PIP5K1B: variants seen among roughly 807,000 people sequenced by gnomAD.
PIP5K1B encodes phosphatidylinositol 4-phosphate 5-kinase type-1 beta.
Under a neutral mutation model 67.0 loss-of-function variants are expected in PIP5K1B, and 42 were observed. The ratio of observed to expected loss-of-function variants is 0.63; its 90% CI spans 0.49 to 0.81. The LOEUF (loss-of-function observed/expected upper bound fraction) is 0.81. PIP5K1B is among the 30% of genes least tolerant of loss of function. The pLI, the probability that PIP5K1B is intolerant of heterozygous loss-of-function variation, is 0.00. For synonymous variants in PIP5K1B, 214 were observed against 231.4 expected, an observed-to-expected ratio of 0.92 and a Z score of 0.68; for missense variants, 459 against 646.3, an observed-to-expected ratio of 0.71 and a Z score of 3.14.
chr9:68,919,635 G>A (rs1826267772), intron 10 of PIP5K1B, 46 bp from the exon 11 acceptor site: 1 of 1,414,768 alleles, frequency 7.1e-7, no homozygotes, highest in Non-Finnish European at 1.0e-6. Flanking sequence ...ATCACCAAAT[G>A]AGAGTGATTT....
intron 2 of PIP5K1B, chr9:68,788,356 T>C: frequency 1.1e-6 from 1 of 951,188 alleles, no homozygotes; most frequent in Non-Finnish European, 1.6e-6. Flanking sequence ...TTTTATGCCC[T>C]TAAAGGGTTT....
chr9:68,984,841 A>G (rs977641553), intron 14 of PIP5K1B, among the ~76,000 whole-genome samples: 3 of 152,218 alleles, frequency 2.0e-5, no homozygotes, highest in Admixed American at 6.5e-5. Context: ...ATTTGCGTAC[A>G]CTACTTTTGT....
intron 8 of PIP5K1B, among the ~76,000 whole-genome samples, chr9:68,914,964 T>A (rs949836858): frequency 1.3e-5 from 2 of 152,226 alleles, no homozygotes; most frequent in Non-Finnish European, 2.9e-5. Context: ...ACACCTGTTG[T>A]CTCTTGAGCT....
intron 14 of PIP5K1B, among the ~76,000 whole-genome samples, chr9:68,967,964 G>A (rs1829126091): frequency 6.6e-6 from 1 of 151,962 alleles, no homozygotes; most frequent in Non-Finnish European, 1.5e-5. Flanking sequence ...AACCCAGTGA[G>A]CTGCTCTTAC....
At chr9:68,850,781 T>C (rs894893367) in intron 4 of PIP5K1B, among the ~76,000 whole-genome samples, 4 of 152,232 alleles carry the variant, frequency 2.6e-5, no homozygotes, top group Admixed American at 1.3e-4. Context: ...TAAATTGATA[T>C]TTATATCAAA....
intron 2 of PIP5K1B, among the ~76,000 whole-genome samples, chr9:68,775,470 A>G (rs1004153276): frequency 1.3e-5 from 2 of 152,222 alleles, no homozygotes; most frequent in Non-Finnish European, 2.9e-5. Flanking sequence ...AAGCACTGCT[A>G]CAGCAGTCAA....
At chr9:68,954,440 A>G (rs1231332056) in intron 14 of PIP5K1B, among the ~76,000 whole-genome samples, 1 of 152,230 alleles carries the variant, frequency 6.6e-6, no homozygotes, top group Admixed American at 6.5e-5. Flanking sequence ...TTTGCAGCAT[A>G]ACTTAATAGC....
chr9:68,935,341 G>T (rs920728685), intron 13 of PIP5K1B, among the ~76,000 whole-genome samples: 1 of 152,034 alleles, frequency 6.6e-6, no homozygotes, highest in Non-Finnish European at 1.5e-5. Context: ...GATAGCGGGC[G>T]CCTGTAATCC....
chr9:68,921,423 G>T (rs1826396595), intron 11 of PIP5K1B, among the ~76,000 whole-genome samples: 1 of 152,152 alleles, frequency 6.6e-6, no homozygotes, highest in African/African-American at 2.4e-5. Context: ...GAAAGGAAGG[G>T]ACTGCATACA....
intron 7 of PIP5K1B, among the ~76,000 whole-genome samples, chr9:68,892,731 C>T (rs572572562): frequency 1.3e-5 from 2 of 152,304 alleles, no homozygotes; most frequent in Non-Finnish European, 2.9e-5. Context: ...CAAACACACA[C>T]ACACACAAAT....
At chr9:68,812,042 G>A (rs1336163835) in intron 2 of PIP5K1B, among the ~76,000 whole-genome samples, 1 of 152,216 alleles carries the variant, frequency 6.6e-6, no homozygotes, top group Non-Finnish European at 1.5e-5. Flanking sequence ...GCCAGGCTGA[G>A]ATGGAGGTGC....
chr9:68,822,575 G>A (rs759704462), intron 3 of PIP5K1B, 40 bp from the exon 4 acceptor site: 14 of 1,402,072 alleles, frequency 1.0e-5, no homozygotes, highest in Admixed American at 1.8e-5. Flanking sequence ...GTATTTCAGA[G>A]TAACATTGAA....
chr9:68,973,143 A>G (rs928515736), intron 14 of PIP5K1B, among the ~76,000 whole-genome samples: 41 of 152,244 alleles, frequency 2.7e-4, no homozygotes, highest in Non-Finnish European at 1.2e-4. Flanking sequence ...GGCAAGAACT[A>G]AAGCCTTCCA....
At chr9:68,846,467 T>A (rs375077281) in intron 4 of PIP5K1B, among the ~76,000 whole-genome samples, 3 of 152,302 alleles carry the variant, frequency 2.0e-5, no homozygotes, top group African/African-American at 7.2e-5. Flanking sequence ...CCTCATCCCT[T>A]CTTGATGTCA....
chr9:68,849,425 G>A (rs1822366360), intron 4 of PIP5K1B, among the ~76,000 whole-genome samples: 1 of 152,088 alleles, frequency 6.6e-6, no homozygotes, highest in African/African-American at 2.4e-5. Context: ...TGTCAACCCA[G>A]GCTGAAGTGC....
At chr9:68,788,624 G>T in intron 2 of PIP5K1B, 1 of 231,280 alleles carries the variant, frequency 4.3e-6, no homozygotes, top group Non-Finnish European at 8.5e-6. Flanking sequence ...GTAGCTTGTG[G>T]GGATTTGTTT....
intron 6 of PIP5K1B, among the ~76,000 whole-genome samples, chr9:68,880,574 CACACACACACACACGCAT>C (rs1385349893): frequency 4.2e-4 from 22 of 52,348 alleles, no homozygotes; most frequent in African/African-American, 9.2e-4. Context: ...CACACACACA[CACACACACACACACGCAT>C]ACACACACAC....
intron 1 of PIP5K1B, among the ~76,000 whole-genome samples, chr9:68,727,255 A>G (rs1300815752): frequency 6.6e-6 from 1 of 152,188 alleles, no homozygotes; most frequent in African/African-American, 2.4e-5. Flanking sequence ...GACTAAAACA[A>G]AATTTGAAGA....
chr9:68,769,740 G>A (rs925727298), intron 2 of PIP5K1B, among the ~76,000 whole-genome samples: 1 of 151,854 alleles, frequency 6.6e-6, no homozygotes, highest in Non-Finnish European at 1.5e-5. Context: ...TTATTTCTGG[G>A]GAAAGAATGA....
Sources: allele counts gnomAD v4.1 joint callset (sites outside exome capture counted in the v4.1 genomes callset), GRCh38; gene constraint gnomAD v4.1.1; transcripts MANE v1.5; gene names NCBI Gene and HGNC (gene_info 2026-07-23, HGNC 2026-07-21).